MUC3A: variants seen among roughly 807,000 people sequenced by gnomAD.
MUC3A encodes the protein mucin-3A.
Under a neutral mutation model 109.0 loss-of-function variants are expected in MUC3A, and 109 were observed. The ratio of observed to expected loss-of-function variants is 1.00; its 90% confidence interval spans 0.86 to 1.17. The LOEUF (loss-of-function observed/expected upper bound fraction) is 1.17. MUC3A is among the 50% of genes most tolerant of loss of function. MUC3A has a pLI of 0.00. For missense variants in MUC3A, 3,537 were observed against 2,469.4 expected (o/e 1.43, Z -9.16); for synonymous variants, 1,398 against 981.4 (o/e 1.42, Z -7.93).
intron 11 of MUC3A, 84 bp downstream of exon 11, chr7:100,967,035 G>C (rs892989650): frequency 6.3e-7 from 1 of 1,598,490 alleles, no homozygotes; most frequent in African/African-American, 1.3e-5. Flanking sequence ...AGGGCAGGGA[G>C]GGGGCTGGGC....
rs1792071154 is a variant in MUC3A at position 100,955,301 on chromosome 7, C to CT, written c.3522_3523insT (p.Pro1175SerfsTer96). Reference sequence around the variant, plus strand: ...CCACAACTGCCATCTCCTCAGCTTCCCCTACCTCAGGTACCATGGTAACTT... The same window carrying CT: ...CCACAACTGCCATCTCCTCAGCTTCCTCCTACCTCAGGTACCATGGTAACTT... On this transcript the variant is annotated frameshift_variant, in exon 2 of 12. Transcript: ENST00000379458. LOFTEE classifies it high-confidence loss of function. 1 of 763,054 alleles carries CT rather than the reference C, an allele frequency of 1.3e-6. No individual in the cohort carries two copies. The highest frequency in any genetic ancestry group is 1.7e-5 in the African/African-American group (1 of 59,108). The allele number at this position is 763,054 out of a possible 1,614,324, so 47.3% of individuals were successfully genotyped here.
At chr7:100,964,065 A>AGAGAGAGAGAGAAAGAG in intron 5 of MUC3A, 1 of 533,410 alleles carries the variant, frequency 1.9e-6, no homozygotes, top group Non-Finnish European at 3.3e-6. Context: ...CAGCATTAGA[A>AGAGAGAGAGAGAAAGAG]AGAGAGAGAG....
chr7:100,966,237 G>GGGTGGAGACCCGTCCGCTTGCTCTAC, intron 8 of MUC3A, 149 bp from the exon 9 acceptor site: 1 of 663,566 alleles, frequency 1.5e-6, no homozygotes, highest in Non-Finnish European at 2.1e-6. Flanking sequence ...CCTCGTTCTA[G>GGGTGGAGACCCGTCCGCTTGCTCTAC]GGTGGATTCC....
Position 100,952,135 on chromosome 7 carries a change from T to C in MUC3A, c.356T>C (p.Val119Ala), listed in dbSNP as rs1307802794. Residue 119 changes from valine (V) to alanine (A), a missense_variant, in exon 2 of 12, where the codon GTG (valine) becomes GCG (alanine). Transcript: ENST00000379458. ...AFKVETTPPT[V>A]LVYSATTECV... is the part of the protein sequence containing the mutation. ...AAGGTTGAAACCACTCCACCCACCG[T>C]GTTGGTCTATTCAGCCACCACTGAG... The C allele has an allele frequency of 6.3e-7, 1 of 1,598,552 alleles. No homozygotes were observed. Among genetic ancestry groups the C allele is most frequent in the Non-Finnish European group, 8.5e-7 (1 of 1,179,758 alleles).
At position 100,958,613 on chromosome 7, in the gene MUC3A, C is replaced by T. The variant is rs1584803616; in HGVS notation, c.6834C>T (p.Thr2278=). The change falls in exon 2 of 12, where the codon ACC becomes ACT. Residue 2278 remains threonine, a synonymous_variant. Coordinates refer to ENST00000379458, the MANE Select transcript of MUC3A (RefSeq NM_005960.2). ...HDTPSFTSSI[T]TSETPSHSTP... ...CTCCCAGCTTCACTTCTTCAATCAC[C>T]ACCAGTGAGACCCCCTCACACAGTA... is the stretch of plus-strand genomic sequence containing the variant. 9.7e-7 allele frequency: 1 copy of T among 1,028,682 alleles called. No individual in the cohort carries two copies. Among genetic ancestry groups the T allele is most frequent in the Non-Finnish European group, 1.2e-6 (1 of 808,960 alleles). 63.7% of individuals were successfully genotyped at this position (1,028,682 alleles called of 1,614,324 possible).
rs1584802471 is a variant in MUC3A, at chr7:100,956,883, A to G, written c.5104A>G (p.Thr1702Ala). 1 of 408,088 alleles carries G rather than the reference A, an allele frequency of 2.5e-6. No individual in the cohort carries two copies. The highest frequency in any genetic ancestry group is 4.3e-6 in the Non-Finnish European group (1 of 233,486). 25.3% of individuals were successfully genotyped at this position (408,088 alleles called of 1,614,324 possible). A position where few individuals can be genotyped will look rare whatever the true frequency, so the allele number is the denominator to read the frequency against. The change falls in exon 2 of 12, where the codon ACC (threonine) becomes GCC (alanine). Residue 1702 changes from threonine to alanine, a missense_variant. By Grantham distance (58) the Thr-to-Ala change is moderately conservative. Coordinates refer to ENST00000379458, the MANE Select transcript of MUC3A (RefSeq NM_005960.2). ...TTAESTPSPT[T>A]TMSFTTFTKM... The stretch of plus-strand genomic sequence containing the variant: ...AGCTGAATCCACCCCATCACCTACA[A>G]CCACCATGTCATTCACAACATTTAC...
intron 5 of MUC3A, 171 bp from the exon 6 acceptor site, chr7:100,964,524 C>T: frequency 8.9e-7 from 1 of 1,117,604 alleles, no homozygotes; most frequent in Non-Finnish European, 1.2e-6. Flanking sequence ...CCCAGGCAGA[C>T]CAAGTCAGGA....
intron 1 of MUC3A, among the ~76,000 whole-genome samples, chr7:100,950,953 A>G (rs933985009): frequency 2.0e-5 from 3 of 152,242 alleles, no homozygotes; most frequent in Non-Finnish European, 4.4e-5. Context: ...CTTTGAAGTC[A>G]TTAGTGTGTG....
In MUC3A at chr7:100,957,953, C is replaced by A; in HGVS notation, c.6174C>A (p.Ser2058Arg). 6.4e-6 allele frequency: 5 copies of A among 777,246 alleles called. No homozygotes were observed. The highest frequency in any genetic ancestry group is 1.2e-5 in the Non-Finnish European group (5 of 433,456). 48.1% of individuals were successfully genotyped at this position (777,246 alleles called of 1,614,324 possible). Reference protein sequence around the residue: ...TTETTSHSTPSFTSLITITEI... With the variant: ...TTETTSHSTPRFTSLITITEI... The stretch of plus-strand genomic sequence containing the variant: ...AGACCACATCCCACAGTACTCCCAG[C>A]TTCACTTCATTGATCACCATCACCG... The change falls in exon 2 of 12, where the codon AGC (serine) becomes AGA (arginine). Residue 2058 changes from serine to arginine, a missense_variant. Ser to Arg is a moderately radical substitution (Grantham distance 110). Transcript: ENST00000379458.
Position 100,957,303 on chromosome 7 carries a change from C to G in MUC3A, c.5524C>G (p.Pro1842Ala). ...SSTPTSETTY[P>A]TSLTSALTDS... ...TACACCTACATCTGAGACCACCTAC[C>G]CTACTTCTCTTACTAGTGCTCTCAC... is the stretch of plus-strand genomic sequence containing the variant. Residue 1842 changes from proline to alanine, a missense_variant, in exon 2 of 12, where the codon CCT (proline) becomes GCT (alanine). Physicochemically the swap from Pro to Ala is conservative, Grantham distance 27. Coordinates refer to ENST00000379458, the MANE Select transcript of MUC3A (RefSeq NM_005960.2). 1.8e-6 allele frequency: 1 copy of G among 565,648 alleles called. No homozygotes were observed. The highest frequency in any genetic ancestry group is 2.4e-5 in the South Asian group (1 of 41,682). 35.0% of individuals were successfully genotyped at this position (565,648 alleles called of 1,614,324 possible).
In MUC3A at chr7:100,949,697, A is replaced by T. The variant is rs1791880326; in HGVS notation, c.61+12A>T. On this transcript the variant is annotated intron_variant, in intron 1 of 11. Transcript: ENST00000379458. ...CCCGTGGGCCACAGGTAAGGGGGAG[A>T]GGCGGAAGGGGGTTGGAGAAAAGCT... The T allele has an allele frequency of 2.0e-6, 3 of 1,527,466 alleles. No individual in the cohort carries two copies. The highest frequency in any genetic ancestry group is 2.6e-6 in the Non-Finnish European group (3 of 1,143,644). The allele number at this position is 1,527,466 out of a possible 1,614,324, so 94.6% of individuals were successfully genotyped here.
chr7:100,959,520 C>G lies in MUC3A; in HGVS notation c.7741C>G (p.Pro2581Ala). The part of the protein sequence containing the change: ...VVIPETPTQT[P>A]PVLTSATGTQ... ...TATACCTGAAACCCCAACACAGACCCCTCCTGTACTGACGTCAGCCACTGG... is the reference window on the plus strand; with the variant it reads ...TATACCTGAAACCCCAACACAGACCGCTCCTGTACTGACGTCAGCCACTGG... The change falls in exon 2 of 12, where the codon CCT (proline) becomes GCT (alanine). Residue 2581 changes from proline to alanine, a missense_variant. Pro to Ala is a conservative substitution (Grantham distance 27). Coordinates refer to ENST00000379458, the MANE Select transcript of MUC3A (RefSeq NM_005960.2). 1 of 1,586,202 alleles carries G rather than the reference C, an allele frequency of 6.3e-7. No homozygotes were observed. Among genetic ancestry groups the G allele is most frequent in the Non-Finnish European group, 8.5e-7 (1 of 1,174,912 alleles).
chr7:100,951,960 C>A lies in MUC3A; in HGVS notation c.181C>A (p.Pro61Thr). Residue 61 changes from proline (P) to threonine (T), a missense_variant, in exon 2 of 12, where the codon CCC becomes ACC. Coordinates refer to ENST00000379458, the MANE Select transcript of MUC3A (RefSeq NM_005960.2). Reference sequence around the variant, plus strand: ...CCTGGCTGGGTGGCCACTTGGTGTCCCCCAGCTCGCCTCTCCTGCTCCTGG... The same window carrying A: ...CCTGGCTGGGTGGCCACTTGGTGTCACCCAGCTCGCCTCTCCTGCTCCTGG... ...RDLAGWPLGV[P>T]QLASPAPGHR... 6.3e-7 allele frequency: 1 copy of A among 1,598,646 alleles called. No individual in the cohort carries two copies. Among genetic ancestry groups the A allele is most frequent in the Non-Finnish European group, 8.5e-7 (1 of 1,179,800 alleles).
intron 1 of MUC3A, among the ~76,000 whole-genome samples, chr7:100,949,911 T>G (rs796582151): frequency 1.0e-3 from 1 of 970 alleles, no homozygotes; most frequent in Non-Finnish European, 2.2e-3. Flanking sequence ...TGGGAAAGAG[T>G]GAGGGAGCTG....
Position 100,959,838 on chromosome 7 carries a change from A to G in MUC3A, c.8059A>G (p.Thr2687Ala). The change falls in exon 2 of 12, where the codon ACT becomes GCT. Residue 2687 changes from threonine (T) to alanine (A), a missense_variant. Transcript: ENST00000379458. ...TACCATCATCTGGTCCTCAACACCC[A>G]CTATTATCATGTCCTCTTCTCCATC... ...FSTIIWSSTP[T>A]IIMSSSPSSA... 2 of 1,574,424 alleles carry G rather than the reference A, an allele frequency of 1.3e-6. No individual in the cohort carries two copies. The highest frequency in any genetic ancestry group is 1.7e-6 in the Non-Finnish European group (2 of 1,168,008).
intron 7 of MUC3A, 83 bp downstream of exon 7, chr7:100,965,430 G>A: frequency 6.5e-7 from 1 of 1,547,754 alleles, no homozygotes; most frequent in Admixed American, 1.9e-5. Context: ...AAGCCTGTGG[G>A]CAGGGAGAGA....
rs1229156040 is a variant in MUC3A at position 100,965,723 on chromosome 7, T to C, written c.9468T>C (p.Ala3156=). The stretch of plus-strand genomic sequence containing the variant: ...CCCCAGCCATCTGCCGCCGCGCCGC[T>C]CCCACGGGCTATGAAGAGTTCTACT... ...LTPAAICRRA[A]PTGYEEFYFP... The change falls in exon 8 of 12, where the codon GCT becomes GCC. Residue 3156 remains alanine (A), a synonymous_variant. Transcript: ENST00000379458. 2 of 1,597,608 alleles carry C rather than the reference T, an allele frequency of 1.3e-6. No individual in the cohort carries two copies. The highest frequency in any genetic ancestry group is 1.7e-6 in the Non-Finnish European group (2 of 1,179,356).
chr7:100,962,539 A>G (rs1381419116), intron 3 of MUC3A, among the ~76,000 whole-genome samples: 6 of 152,308 alleles, frequency 3.9e-5, no homozygotes, highest in Non-Finnish European at 8.8e-5. Flanking sequence ...TCTTCCCACT[A>G]TGGGGGCAGC....
chr7:100,966,833 C>T, intron 10 of MUC3A, 66 bp from the exon 11 acceptor site: 1 of 1,598,388 alleles, frequency 6.3e-7, no homozygotes. Context: ...CGCATTTACT[C>T]CGTCCCCCTC....
Sources: allele counts gnomAD v4.1 joint callset (sites outside exome capture counted in the v4.1 genomes callset), GRCh38; gene constraint gnomAD v4.1.1; transcripts MANE v1.5; gene names NCBI Gene and HGNC (gene_info 2026-07-23, HGNC 2026-07-21).